Variants in HMCN1 observed in about 807,000 individuals in gnomAD.
The protein encoded by HMCN1 is hemicentin 1.
Under a neutral mutation model 625.9 loss-of-function variants are expected in HMCN1, and 321 were observed. The observed-to-expected ratio is 0.51, with a 90% CI of 0.47 to 0.56. The LOEUF (loss-of-function observed/expected upper bound fraction) is 0.56. HMCN1 is among the 20% of genes least tolerant of loss of function. The pLI is 0.00. For synonymous variants in HMCN1, 2,425 were observed against 2,417.6 expected, an observed-to-expected ratio of 1.00 and a Z score of -0.09; for missense variants, 6,588 against 6,887.3, an observed-to-expected ratio of 0.96 and a Z score of 1.54.
At chr1:186,013,756 A>G (rs1441411521) in intron 30 of HMCN1, among the ~76,000 whole-genome samples, 8 of 152,198 alleles carry the variant, frequency 5.3e-5, no homozygotes, top group Admixed American at 2.6e-4. Flanking sequence ...TTAAGAGCCA[A>G]TTGAAAGACC....
At position 186,120,099 on chromosome 1, in the gene HMCN1, G is replaced by A. The variant is rs369368625; in HGVS notation, c.12183G>A (p.Gln4061=). Residue 4061 remains glutamine, a synonymous_variant, in exon 80 of 107, where the codon CAG becomes CAA. Transcript: ENST00000271588. ...EDAGTYMCVA[Q]NPAGTALGKI... ...CTGGCACTTACATGTGTGTGGCCCAGAACCCGGCTGGTACAGCCTTGGGCA... is the reference window on the plus strand; with the variant it reads ...CTGGCACTTACATGTGTGTGGCCCAAAACCCGGCTGGTACAGCCTTGGGCA... The A allele has an allele frequency of 3.5e-5, 57 of 1,613,888 alleles. No individual in the cohort carries two copies. The highest frequency in any genetic ancestry group is 5.0e-5 in the Admixed American group (3 of 59,960).
intron 40 of HMCN1, among the ~76,000 whole-genome samples, chr1:186,044,494 C>T (rs991900520): frequency 1.3e-5 from 2 of 152,132 alleles, no homozygotes; most frequent in Non-Finnish European, 2.9e-5. Context: ...AGGCACAATA[C>T]TACTACTGTA....
intron 4 of HMCN1, among the ~76,000 whole-genome samples, chr1:185,893,449 AAT>A (rs1665277859): frequency 1.3e-5 from 2 of 152,298 alleles, no homozygotes; most frequent in Non-Finnish European, 2.9e-5. Flanking sequence ...TGCATTTTAA[AAT>A]TTATGGTGTT....
chr1:186,108,172 C>G (rs547025100), intron 70 of HMCN1, among the ~76,000 whole-genome samples: 1 of 151,796 alleles, frequency 6.6e-6, no homozygotes, highest in Admixed American at 6.6e-5. Flanking sequence ...GACAACGGCT[C>G]CCTTCTTTGT....
At chr1:186,023,289 T>G (rs1309085113) in intron 36 of HMCN1, 136 bp downstream of exon 36, 5 of 172,772 alleles carry the variant, frequency 2.9e-5, no homozygotes, top group East Asian at 1.4e-4. Flanking sequence ...AAACCTAGGG[T>G]TTTTTTTTTT....
rs143478242 is a variant in HMCN1, at chr1:186,096,748, A to G, written c.10573+1227A>G. 5.9e-5 allele frequency among the ~76,000 whole-genome samples: 9 copies of G among 152,302 alleles called. No homozygotes were observed. In the East Asian group the frequency reaches 1.4e-3, roughly 23 times the overall value. On this transcript the variant is annotated intron_variant, in intron 68 of 106. Transcript: ENST00000271588. ...ATGCAAGGATGTTTTAACATACACA[A>G]TCAATAAATGTGATACATCACGTTA...
chr1:185,855,297 T>G (rs1662397752), intron 2 of HMCN1, among the ~76,000 whole-genome samples: 1 of 152,128 alleles, frequency 6.6e-6, no homozygotes, highest in Non-Finnish European at 1.5e-5. Context: ...AGATACCGAA[T>G]CCTTGAAGAG....
Position 186,039,878 on chromosome 1 carries a change from A to G in HMCN1, c.6179A>G (p.Gln2060Arg), listed in dbSNP as rs1254638800. 7 of 1,612,822 alleles carry G rather than the reference A, an allele frequency of 4.3e-6. No individual in the cohort carries two copies. Among genetic ancestry groups the G allele is most frequent in the South Asian group, 1.1e-5 (1 of 91,066 alleles). ...GTTTCTAGTTTTTCTAATGGATTAC[A>G]GGTACCTTCATTCATTTCTTTGGTG... Reference protein sequence around the residue: ...SPVSSFSNGLQVLSGGRILAL... With the variant: ...SPVSSFSNGLRVLSGGRILAL... Residue 2060 changes from glutamine to arginine, a missense_variant and splice_region_variant, in exon 39 of 107, where the codon CAG becomes CGG. Gln to Arg is a conservative substitution (Grantham distance 43, BLOSUM62 1). Coordinates refer to ENST00000271588, the MANE Select transcript of HMCN1 (RefSeq NM_031935.3).
chr1:185,885,970 A>G (rs958991962), intron 4 of HMCN1, among the ~76,000 whole-genome samples: 2 of 152,128 alleles, frequency 1.3e-5, no homozygotes, highest in African/African-American at 2.4e-5. Flanking sequence ...TAGACATTCT[A>G]TAAGGATTCA....
chr1:185,987,372 A>G (rs2102017956), intron 19 of HMCN1, 60 bp from the exon 20 acceptor site: 1 of 1,003,406 alleles, frequency 1.0e-6, no homozygotes, highest in African/African-American at 1.6e-5. Context: ...TCAACTTTAA[A>G]TAGATGATTT....
intron 72 of HMCN1, among the ~76,000 whole-genome samples, chr1:186,113,639 C>T (rs1660990532): frequency 6.6e-6 from 1 of 152,218 alleles, no homozygotes; most frequent in Admixed American, 6.5e-5. Flanking sequence ...TTAGCATTCT[C>T]TGACCATTAT....
chr1:186,078,911 T>G (rs907840121), intron 55 of HMCN1, among the ~76,000 whole-genome samples: 2 of 152,160 alleles, frequency 1.3e-5, no homozygotes, highest in Non-Finnish European at 2.9e-5. Flanking sequence ...TAACATAGAT[T>G]TTAAAGTTCA....
At chr1:185,759,245 CA>C (rs1473251498) in intron 1 of HMCN1, among the ~76,000 whole-genome samples, 12 of 152,126 alleles carry the variant, frequency 7.9e-5, no homozygotes, top group African/African-American at 2.4e-4. Flanking sequence ...AATATGAGTA[CA>C]CTGCACAGAT....
At chr1:186,107,871 T>C (rs997184975) in intron 70 of HMCN1, among the ~76,000 whole-genome samples, 1 of 152,054 alleles carries the variant, frequency 6.6e-6, no homozygotes, top group Non-Finnish European at 1.5e-5. Context: ...CAATATGCTT[T>C]TGACATTGAA....
At chr1:185,883,296 G>A (rs1327945972) in intron 4 of HMCN1, among the ~76,000 whole-genome samples, 1 of 151,984 alleles carries the variant, frequency 6.6e-6, no homozygotes, top group African/African-American at 2.4e-5. Flanking sequence ...AATGCAAAAT[G>A]CATTCATATT....
rs750249980 is a variant in HMCN1 at position 186,153,776 on chromosome 1, A to G, written c.15045A>G (p.Thr5015=). 6.2e-7 allele frequency: 1 copy of G among 1,614,120 alleles called. No homozygotes were observed. Among genetic ancestry groups the G allele is most frequent in the Non-Finnish European group, 8.5e-7 (1 of 1,179,994 alleles). ...ATTACACAGAGGACTACATTCAAAC[A>G]GGTCCTGGGCAGCTGTACGCCTACT... ...VKDYTEDYIQ[T]GPGQLYAYST... The change falls in exon 97 of 107, where the codon ACA becomes ACG. Residue 5015 remains threonine (T), a synonymous_variant. Coordinates refer to ENST00000271588, the MANE Select transcript of HMCN1 (RefSeq NM_031935.3).
intron 1 of HMCN1, among the ~76,000 whole-genome samples, chr1:185,807,523 A>G (rs1312628170): frequency 1.3e-5 from 2 of 152,218 alleles, no homozygotes; most frequent in South Asian, 2.1e-4. Flanking sequence ...AAACATGCAC[A>G]TATTAGCATA....
At chr1:186,149,171 C>A (rs1250958327) in intron 93 of HMCN1, among the ~76,000 whole-genome samples, 1 of 152,176 alleles carries the variant, frequency 6.6e-6, no homozygotes, top group Non-Finnish European at 1.5e-5. Context: ...TCAGTTTGTT[C>A]TTTGGAGCTT....
chr1:186,037,310 T>G (rs1655898230), intron 36 of HMCN1, among the ~76,000 whole-genome samples: 1 of 152,192 alleles, frequency 6.6e-6, no homozygotes, highest in Non-Finnish European at 1.5e-5. Flanking sequence ...AAGTTATTTC[T>G]TTTATATTAT....
Sources: gnomAD v4.1 joint callset for allele counts (sites outside exome capture counted in the v4.1 genomes callset) on GRCh38, gnomAD v4.1.1 for gene constraint, MANE v1.5 for transcripts, NCBI Gene and HGNC (gene_info 2026-07-23, HGNC 2026-07-21) for gene names.